The following MROH7 variants were observed in gnomAD, a reference collection of about 807,000 sequenced individuals.
The protein encoded by MROH7 is maestro heat-like repeat-containing protein family member 7.
Under a neutral mutation model 129.2 loss-of-function variants are expected in MROH7, and 113 were observed. The ratio of observed to expected loss-of-function variants is 0.87; its 90% CI spans 0.75 to 1.02. The LOEUF (loss-of-function observed/expected upper bound fraction) is 1.02. Among genes scored for constraint, MROH7 ranks in the 50% least tolerant of loss-of-function variants. The pLI is 0.00. For synonymous variants in MROH7, 655 were observed against 667.9 expected (o/e 0.98, Z 0.30); for missense variants, 1,601 against 1,671.3 (o/e 0.96, Z 0.73).
At chr1:54,679,101 C>T (rs1435963262) in intron 11 of MROH7, among the ~76,000 whole-genome samples, 162 bp from the exon 12 acceptor site, 1 of 152,220 alleles carries the variant, frequency 6.6e-6, no homozygotes, top group Admixed American at 6.5e-5. Flanking sequence ...TAGCTCCTCC[C>T]CTAAAGGTTC....
chr1:54,667,772 T>TTA (rs550094767), intron 4 of MROH7, among the ~76,000 whole-genome samples: 28 of 145,142 alleles, frequency 1.9e-4, no homozygotes, highest in Non-Finnish European at 3.5e-4. Context: ...ATTTACAAAG[T>TTA]AAAAAAAAAA....
chr1:54,699,191 TTCTTTCTTTCTTTCTCTCCCTC>T (rs1645390131), intron 17 of MROH7: 1 of 110,592 alleles, frequency 9.0e-6, no homozygotes, highest in African/African-American at 3.6e-5. Context: ...TTCTTTCTCT[TTCTTTCTTTCTTTCTCTCCCTC>T]TCTTTCTTTC....
chr1:54,678,192 C>T (rs184035328), intron 10 of MROH7, among the ~76,000 whole-genome samples: 65 of 152,284 alleles, frequency 4.3e-4, no homozygotes, highest in Non-Finnish European at 1.0e-4. Flanking sequence ...CCCAGCAATC[C>T]ATTCCTAGGT....
At chr1:54,698,054 C>T (rs1398380880) in intron 17 of MROH7, 5 of 222,838 alleles carry the variant, frequency 2.2e-5, no homozygotes, top group South Asian at 1.5e-4. Flanking sequence ...CCATTAAAGC[C>T]GTGGCACTTT....
intron 3 of MROH7, chr1:54,663,823 C>G (rs181246870): frequency 2.2e-6 from 1 of 448,686 alleles, no homozygotes; most frequent in Non-Finnish European, 4.4e-6. Flanking sequence ...CTCCAAGGAG[C>G]CTTGTTCCTT....
chr1:54,706,628 T>G, intron 22 of MROH7, 91 bp downstream of exon 22: 1 of 924,094 alleles, frequency 1.1e-6, no homozygotes. Context: ...TTTCAGCACC[T>G]GGGGGGATGC....
rs369776174 is a variant in MROH7 at position 54,700,512 on chromosome 1, G to A, written c.3105+51G>A. The A allele has an allele frequency of 1.1e-4, 170 of 1,521,160 alleles. No individual in the cohort carries two copies. The African/African-American group carries it at 2.1e-3, about 19-fold the overall frequency. The allele number at this position is 1,521,160 out of a possible 1,614,324, so 94.2% of individuals were successfully genotyped here. A position where few individuals can be genotyped will look rare whatever the true frequency, so the allele number is the denominator to read the frequency against. On this transcript the variant is annotated intron_variant, in intron 18 of 23. Transcript: ENST00000421030. ...GGCCCAGCCAGGCCCCAGACTGGAGGAAGGACAGAGCTTCACCATTATAGT... is the reference window on the plus strand; with the variant it reads ...GGCCCAGCCAGGCCCCAGACTGGAGAAAGGACAGAGCTTCACCATTATAGT...
intron 14 of MROH7, among the ~76,000 whole-genome samples, chr1:54,685,338 G>A (rs1205648337): frequency 6.6e-6 from 1 of 152,154 alleles, no homozygotes; most frequent in Non-Finnish European, 1.5e-5. Flanking sequence ...AGTCCTAATG[G>A]CACAGCTCAA....
At chr1:54,678,894 G>C (rs1447105642) in intron 11 of MROH7, 40 bp downstream of exon 11, 2 of 1,487,610 alleles carry the variant, frequency 1.3e-6, no homozygotes, top group Middle Eastern at 3.6e-4. Context: ...AGGGTGGGGG[G>C]TGAGGAGGGG....
rs749609437 is a variant in MROH7 at position 54,668,954 on chromosome 1, C to T, written c.1389+17C>T. 6.4e-5 allele frequency: 57 copies of T among 885,884 alleles called. No individual in the cohort carries two copies. Among genetic ancestry groups the T allele is most frequent in the South Asian group, 2.2e-4 (17 of 77,000 alleles). The allele number at this position is 885,884 out of a possible 1,614,324, so 54.9% of individuals were successfully genotyped here. A position where few individuals can be genotyped will look rare whatever the true frequency, so the allele number is the denominator to read the frequency against. On this transcript the variant is annotated intron_variant, in intron 5 of 23. Transcript: ENST00000421030. Reference sequence around the variant, plus strand: ...AAGATTATGGTGGGGGAGCCACAGGCGGGTCTGTGGCATTGGGGTGGGAGG... The same window carrying T: ...AAGATTATGGTGGGGGAGCCACAGGTGGGTCTGTGGCATTGGGGTGGGAGG...
intron 14 of MROH7, among the ~76,000 whole-genome samples, chr1:54,683,128 G>A (rs61768786): frequency 2.0e-5 from 3 of 152,064 alleles, no homozygotes; most frequent in African/African-American, 4.8e-5. Context: ...CTTGAGGCTA[G>A]GAGTTTGAGG....
Position 54,673,808 on chromosome 1 carries a change from G to A in MROH7, c.1800+3G>A. 1 of 1,611,694 alleles carries A rather than the reference G, an allele frequency of 6.2e-7. No homozygotes were observed. Among genetic ancestry groups the A allele is most frequent in the Non-Finnish European group, 8.5e-7 (1 of 1,177,742 alleles). On this transcript the variant is annotated splice_donor_region_variant and intron_variant, in intron 9 of 23. Coordinates refer to ENST00000421030, the MANE Select transcript of MROH7 (RefSeq NM_001039464.4). ...TGCTTCTAACTCTGCCTTTCTTTGT[G>A]AGTGGCCCCTGGGAGGGGTGGACAC...
intron 1 of MROH7, among the ~76,000 whole-genome samples, chr1:54,645,729 C>T (rs868134257): frequency 3.4e-5 from 5 of 148,806 alleles, no homozygotes; most frequent in Admixed American, 6.8e-5. Flanking sequence ...CTTGGCTCAC[C>T]GCAGGCTTGC....
At chr1:54,644,891 C>T (rs1644441372) in intron 1 of MROH7, among the ~76,000 whole-genome samples, 2 of 151,652 alleles carry the variant, frequency 1.3e-5, no homozygotes, top group African/African-American at 4.8e-5. Flanking sequence ...CTCACTGCAA[C>T]CTTTGCCTCC....
intron 23 of MROH7, among the ~76,000 whole-genome samples, chr1:54,709,487 G>C (rs1645589659): frequency 6.6e-6 from 1 of 151,818 alleles, no homozygotes; most frequent in Admixed American, 6.6e-5. Context: ...CAAAGTGCTG[G>C]GATTACAGGC....
chr1:54,668,957 G>C lies in MROH7; in HGVS notation c.1389+20G>C. On this transcript the variant is annotated intron_variant, in intron 5 of 23. Transcript: ENST00000421030. ...ATTATGGTGGGGGAGCCACAGGCGGGTCTGTGGCATTGGGGTGGGAGGGGG... is the reference window on the plus strand; with the variant it reads ...ATTATGGTGGGGGAGCCACAGGCGGCTCTGTGGCATTGGGGTGGGAGGGGG... 1.3e-6 allele frequency: 2 copies of C among 1,487,592 alleles called. No individual in the cohort carries two copies. The highest frequency in any genetic ancestry group is 1.9e-6 in the Non-Finnish European group (2 of 1,070,030). 92.1% of individuals were successfully genotyped at this position (1,487,592 alleles called of 1,614,324 possible). A position where few individuals can be genotyped will look rare whatever the true frequency, so the allele number is the denominator to read the frequency against.
chr1:54,679,295 A>T lies in MROH7; in HGVS notation c.2082A>T (p.Ile694=). ...GAGACTTCCTGGGGCCCCAGCAGAT[A>T]AAGGACCTGCTGCTGGCCGCCCTGG... ...EFGDFLGPQQ[I]KDLLLAALEG... The change falls in exon 12 of 24, where the codon ATA becomes ATT. Residue 694 remains isoleucine (I), a synonymous_variant. Coordinates refer to ENST00000421030, the MANE Select transcript of MROH7 (RefSeq NM_001039464.4). The T allele has an allele frequency of 6.2e-7, 1 of 1,614,180 alleles. No homozygotes were observed. The highest frequency in any genetic ancestry group is 8.5e-7 in the Non-Finnish European group (1 of 1,180,030).
At chr1:54,682,294 A>G (rs1488759520) in intron 13 of MROH7, among the ~76,000 whole-genome samples, 2 of 151,424 alleles carry the variant, frequency 1.3e-5, no homozygotes, top group South Asian at 2.1e-4. Context: ...CCTCCTGAGT[A>G]GCTGTGATTA....
rs1303203998 is a variant in MROH7 at position 54,654,012 on chromosome 1, C to T, written c.1086C>T (p.Asp362=). The T allele has an allele frequency of 6.2e-7, 1 of 1,614,258 alleles. No individual in the cohort carries two copies. The highest frequency in any genetic ancestry group is 1.1e-5 in the South Asian group (1 of 91,088). The part of the protein sequence containing the change: ...TLSSQQDDAK[D]NSIHTVPLEE... The stretch of plus-strand genomic sequence containing the variant: ...GCAGTCAGCAGGATGATGCCAAGGA[C>T]AACAGCATCCACACTGTGCCCCTGG... Residue 362 remains aspartate, a synonymous_variant, in exon 3 of 24, where the codon GAC becomes GAT. Transcript: ENST00000421030.
Sources: gnomAD v4.1 joint callset for allele counts (sites outside exome capture counted in the v4.1 genomes callset) on GRCh38, gnomAD v4.1.1 for gene constraint, MANE v1.5 for transcripts, NCBI Gene and HGNC (gene_info 2026-07-23, HGNC 2026-07-21) for gene names.